ZNF500: variants seen among roughly 807,000 people sequenced by gnomAD.
ZNF500 encodes the protein zinc finger protein 500, also known as zinc finger protein with KRAB and SCAN domains 18.
Under a neutral mutation model 30.1 loss-of-function variants are expected in ZNF500, and 31 were observed. The observed-to-expected ratio is 1.03, with a 90% CI of 0.77 to 1.39. The LOEUF is 1.39. Among genes scored for constraint, ZNF500 ranks in the 40% most tolerant of loss-of-function variants. The probability of loss-of-function intolerance (pLI) is 0.00; values close to 1 mark genes in which losing one functional copy is unlikely to be tolerated. For synonymous variants in ZNF500, 392 were observed against 282.0 expected (o/e 1.39, Z -3.91); for missense variants, 817 against 657.8 (o/e 1.24, Z -2.65).
downstream of ZNF500, chr16:4,746,460 A>G (rs768011687): frequency 1.9e-6 from 3 of 1,613,746 alleles, no homozygotes; most frequent in Admixed American, 5.0e-5. Context: ...GTCCCCCACC[A>G]TCTTTATTGA....
At position 4,752,220 on chromosome 16, in the gene ZNF500, G is replaced by A. The variant is rs2142224296; in HGVS notation, c.*156C>T. ...CTGCACCCAGTGCCCAGCTTCCTCT[G>A]CGGCCTGGGCATCCCAAATGTCCCC... On this transcript the variant is annotated 3_prime_UTR_variant, in exon 6 of 6. Transcript: ENST00000219478. The A allele has an allele frequency of 2.8e-6, 4 of 1,420,998 alleles. No individual in the cohort carries two copies. Among genetic ancestry groups the A allele is most frequent in the South Asian group, 1.6e-5 (1 of 61,248 alleles). 88.0% of individuals were successfully genotyped at this position (1,420,998 alleles called of 1,614,324 possible). A position where few individuals can be genotyped will look rare whatever the true frequency, so the allele number is the denominator to read the frequency against.
chr16:4,747,046 C>G, downstream of ZNF500: 1 of 1,509,176 alleles, frequency 6.6e-7, no homozygotes, highest in Non-Finnish European at 8.8e-7. Flanking sequence ...AGGGGCCTCT[C>G]GCCACCTGCA....
At chr16:4,760,776 G>A (rs1358725714) in intron 4 of ZNF500, among the ~76,000 whole-genome samples, 188 bp from the exon 5 acceptor site, 2 of 152,142 alleles carry the variant, frequency 1.3e-5, no homozygotes, top group African/African-American at 4.8e-5. Flanking sequence ...GCTCCCATGT[G>A]CCACTGCTGC....
intron 2 of ZNF500, chr16:4,763,512 A>G (rs1040034895): frequency 1.4e-5 from 14 of 980,538 alleles, no homozygotes; most frequent in African/African-American, 3.5e-5. Flanking sequence ...CTTAGAATTG[A>G]GCTCTGCAAT....
At chr16:4,759,976 T>C (rs776946988) in intron 5 of ZNF500, among the ~76,000 whole-genome samples, 2 of 151,920 alleles carry the variant, frequency 1.3e-5, no homozygotes, top group African/African-American at 2.4e-5. Flanking sequence ...GAGGTGGAGG[T>C]TGCAGTGAGC....
At chr16:4,747,020 G>T, downstream of ZNF500, 1 of 1,531,188 alleles carries the variant, frequency 6.5e-7, no homozygotes, top group Non-Finnish European at 8.7e-7. Flanking sequence ...CCTCCCTGGG[G>T]CTACGGTAAC....
At chr16:4,746,470 A>G (rs143936171), downstream of ZNF500, 38 of 1,613,566 alleles carry the variant, frequency 2.4e-5, no homozygotes, top group Non-Finnish European at 2.9e-5. Context: ...ATCTTTATTG[A>G]CCTGCGGCAG....
chr16:4,746,558 G>T, downstream of ZNF500: 1 of 1,582,240 alleles, frequency 6.3e-7, no homozygotes, highest in East Asian at 2.2e-5. Context: ...ACTTTGCAGA[G>T]TTGCCTGTTG....
intron 4 of ZNF500, among the ~76,000 whole-genome samples, chr16:4,761,485 ACACACACAC>A (rs2082199719): frequency 3.1e-4 from 1 of 3,244 alleles, no homozygotes; most frequent in African/African-American, 4.4e-4. Flanking sequence ...ACATACACAC[ACACACACAC>A]ACACACACAC....
chr16:4,747,391 G>A (rs370127789), downstream of ZNF500: 3 of 1,610,460 alleles, frequency 1.9e-6, no homozygotes, highest in Non-Finnish European at 2.5e-6. Context: ...GGGCCTTTCA[G>A]AAGGGGACAG....
At position 4,749,436 on chromosome 16, in the gene ZNF500, T is replaced by C. The variant is rs955062084; in HGVS notation, c.*2940A>G. ...GTCTGTCAAGGCAAGGGGAGTGAGG[T>C]AGGAAGTCAGACCTGCGTCCAAAGC... On this transcript the variant is annotated 3_prime_UTR_variant, in exon 6 of 6. Transcript: ENST00000219478. 2.6e-5 allele frequency: 4 copies of C among 154,436 alleles called. No individual in the cohort carries two copies. The highest frequency in any genetic ancestry group is 7.2e-5 in the African/African-American group (3 of 41,532). 9.6% of individuals were successfully genotyped at this position (154,436 alleles called of 1,614,324 possible).
intron 4 of ZNF500, among the ~76,000 whole-genome samples, 170 bp from the exon 5 acceptor site, chr16:4,760,758 CGCCCACTGCTCCCATGTGCCACT>C (rs2082189620): frequency 6.6e-6 from 1 of 152,190 alleles, no homozygotes; most frequent in Non-Finnish European, 1.5e-5. Context: ...CTGGTGTCTC[CGCCCACTGCTCCCATGTGCCACT>C]GCTGCAGAGC....
rs1179140174 is a variant in ZNF500, at chr16:4,749,521, A to T, written c.*2855T>A. 1 of 153,984 alleles carries T rather than the reference A, an allele frequency of 6.5e-6. No homozygotes were observed. The highest frequency in any genetic ancestry group is 1.5e-5 in the Non-Finnish European group (1 of 68,284). 9.5% of individuals were successfully genotyped at this position (153,984 alleles called of 1,614,324 possible). On this transcript the variant is annotated 3_prime_UTR_variant, in exon 6 of 6. Coordinates refer to ENST00000219478, the MANE Select transcript of ZNF500 (RefSeq NM_021646.4). ...CAGTGCCCAGTTCCTCCACCCACAG[A>T]AGGAGAATCATGGCCGGGCGCGGTG...
At position 4,752,001 on chromosome 16, in the gene ZNF500, G is replaced by A. The variant is rs1038827008; in HGVS notation, c.*375C>T. The A allele has an allele frequency of 3.4e-5, 37 of 1,089,132 alleles. No homozygotes were observed. Among genetic ancestry groups the A allele is most frequent in the Admixed American group, 7.8e-5 (2 of 25,658 alleles). The allele number at this position is 1,089,132 out of a possible 1,614,324, so 67.5% of individuals were successfully genotyped here. A position where few individuals can be genotyped will look rare whatever the true frequency, so the allele number is the denominator to read the frequency against. On this transcript the variant is annotated 3_prime_UTR_variant, in exon 6 of 6. Transcript: ENST00000219478. ...AGGAGAGGGGTTGGGACGTGGGGAT[G>A]AGGCTGTATGCCAGCAGCCACTGGA...
Position 4,752,202 on chromosome 16 carries a change from C to A in ZNF500, c.*174G>T. The A allele has an allele frequency of 7.0e-7, 1 of 1,419,668 alleles. No individual in the cohort carries two copies. The highest frequency in any genetic ancestry group is 1.6e-5 in the South Asian group (1 of 60,856). The allele number at this position is 1,419,668 out of a possible 1,614,324, so 87.9% of individuals were successfully genotyped here. A position where few individuals can be genotyped will look rare whatever the true frequency, so the allele number is the denominator to read the frequency against. On this transcript the variant is annotated 3_prime_UTR_variant, in exon 6 of 6. Transcript: ENST00000219478. ...CCTGTCCTTGCCCTTGTTCTGCACC[C>A]AGTGCCCAGCTTCCTCTGCGGCCTG...
intron 2 of ZNF500, chr16:4,763,145 T>C (rs996344627): frequency 1.0e-6 from 1 of 985,014 alleles, no homozygotes; most frequent in Non-Finnish European, 1.2e-6. Context: ...CACCTGTAAT[T>C]CCAGCACTTT....
chr16:4,750,508 T>TTTTTG lies in ZNF500; in HGVS notation c.*1867_*1868insCAAAA, dbSNP rs2082066735. The TTTTTG allele has an allele frequency of 6.8e-6, 1 of 147,298 alleles. No individual in the cohort carries two copies. 9.1% of individuals were successfully genotyped at this position (147,298 alleles called of 1,614,324 possible). A position where few individuals can be genotyped will look rare whatever the true frequency, so the allele number is the denominator to read the frequency against. On this transcript the variant is annotated 3_prime_UTR_variant, in exon 6 of 6. Transcript: ENST00000219478. ...ATGCCTGGCTAATTTTTTTTTTTTT[T>TTTTTG]GTGTGGAGTCTCGTTCTATCACCAG...
chr16:4,766,328 G>A (rs1338320542), intron 1 of ZNF500, among the ~76,000 whole-genome samples: 4 of 152,220 alleles, frequency 2.6e-5, no homozygotes, highest in African/African-American at 9.6e-5. Flanking sequence ...GTTGCTGACA[G>A]AACTAAAAGG....
chr16:4,744,451 C>T (rs928182006), downstream of ZNF500, among the ~76,000 whole-genome samples: 1 of 151,760 alleles, frequency 6.6e-6, no homozygotes, highest in South Asian at 2.1e-4. Context: ...GAGGGGATCT[C>T]CGTAGGTTAA....
Sources: gnomAD v4.1 joint callset for allele counts (sites outside exome capture counted in the v4.1 genomes callset) on GRCh38, gnomAD v4.1.1 for gene constraint, MANE v1.5 for transcripts, NCBI Gene and HGNC (gene_info 2026-07-23, HGNC 2026-07-21) for gene names.